Variants in LYRM4 observed in about 807,000 individuals in gnomAD.
The protein encoded by LYRM4 is LYR motif containing 4, also known as LYR motif-containing protein 4.
In LYRM4, 9 loss-of-function variants were observed where a neutral mutation model predicts 11.7. That is an observed-to-expected ratio of 0.77 (90% CI 0.46 to 1.34). The LOEUF (loss-of-function observed/expected upper bound fraction) is 1.34. LYRM4 is among the 40% of genes most tolerant of loss of function. The pLI is 0.00. For synonymous variants in LYRM4, 42 were observed against 40.4 expected (o/e 1.04, Z -0.15); for missense variants, 133 against 112.5 (o/e 1.18, Z -0.82).
chr6:5,183,853 TGG>T, intron 2 of LYRM4, among the ~76,000 whole-genome samples: 2 of 152,344 alleles, frequency 1.3e-5, no homozygotes, highest in East Asian at 3.9e-4. Flanking sequence ...TTGTATAACA[TGG>T]AGGCTATTAA....
intron 1 of LYRM4, among the ~76,000 whole-genome samples, chr6:5,253,134 C>A (rs1764510539): frequency 6.6e-6 from 1 of 152,184 alleles, no homozygotes; most frequent in Non-Finnish European, 1.5e-5. Flanking sequence ...TAGTGTATAA[C>A]ACATTAATAA....
chr6:5,204,449 C>T (rs1761574843), intron 2 of LYRM4, among the ~76,000 whole-genome samples: 1 of 152,162 alleles, frequency 6.6e-6, no homozygotes, highest in African/African-American at 2.4e-5. Flanking sequence ...ACCCCAAACT[C>T]ATGATGCCAA....
intron 2 of LYRM4, among the ~76,000 whole-genome samples, chr6:5,214,739 G>A (rs779656532): frequency 1.3e-5 from 2 of 152,194 alleles, no homozygotes; most frequent in Non-Finnish European, 2.9e-5. Flanking sequence ...TGTGCCTTAC[G>A]CCCTAACTAC....
At position 5,109,209 on chromosome 6, in the gene LYRM4, C is replaced by G; in HGVS notation, c.*214G>C. On this transcript the variant is annotated 3_prime_UTR_variant, in exon 3 of 3. Coordinates refer to ENST00000330636, the MANE Select transcript of LYRM4 (RefSeq NM_020408.6). Reference sequence around the variant, plus strand: ...CACACAGCACTATTCTGAACGAACTCCAGCTCTCCATTCTAACACTTGAAC... The same window carrying G: ...CACACAGCACTATTCTGAACGAACTGCAGCTCTCCATTCTAACACTTGAAC... 2 of 1,418,340 alleles carry G rather than the reference C, an allele frequency of 1.4e-6. No individual in the cohort carries two copies. Among genetic ancestry groups the G allele is most frequent in the South Asian group, 3.1e-5 (2 of 65,206 alleles). 87.9% of individuals were successfully genotyped at this position (1,418,340 alleles called of 1,614,324 possible).
intron 2 of LYRM4, among the ~76,000 whole-genome samples, chr6:5,121,435 G>C (rs953093021): frequency 2.0e-5 from 3 of 152,132 alleles, no homozygotes; most frequent in East Asian, 1.9e-4. Flanking sequence ...CTACCTCCCC[G>C]ACCCCTGATG....
At chr6:5,230,639 C>A (rs780137469) in intron 1 of LYRM4, among the ~76,000 whole-genome samples, 1 of 152,108 alleles carries the variant, frequency 6.6e-6, no homozygotes, top group African/African-American at 2.4e-5. Flanking sequence ...TCAATTAATT[C>A]TAGATTTTCC....
chr6:5,168,747 A>G (rs72811686), intron 2 of LYRM4, among the ~76,000 whole-genome samples: 2,572 of 152,306 alleles, frequency 0.017, 42 homozygotes, highest in South Asian at 0.031. Flanking sequence ...CATCATTGAT[A>G]AATGTCTTGG....
At chr6:5,195,205 TGG>T (rs1760981310) in intron 2 of LYRM4, among the ~76,000 whole-genome samples, 1 of 152,206 alleles carries the variant, frequency 6.6e-6, no homozygotes, top group African/African-American at 2.4e-5. Context: ...CCTAGAGACC[TGG>T]AGGGTGCCAG....
the LYRM4 span, among the ~76,000 whole-genome samples, chr6:5,047,485 T>G: frequency 6.6e-6 from 1 of 152,230 alleles, no homozygotes; most frequent in African/African-American, 2.4e-5. Context: ...CTCATATTCC[T>G]TTGTCTTTCT....
intron 2 of LYRM4, among the ~76,000 whole-genome samples, chr6:5,206,531 A>G (rs1055309800): frequency 1.3e-5 from 2 of 152,238 alleles, no homozygotes; most frequent in African/African-American, 2.4e-5. Flanking sequence ...TTCTTGTGCT[A>G]TAAGGGATCT....
the LYRM4 span, among the ~76,000 whole-genome samples, chr6:5,055,174 G>C: frequency 1.3e-5 from 2 of 152,192 alleles, no homozygotes; most frequent in African/African-American, 4.8e-5. The surrounding 1 kb of genome is among the most constrained non-coding windows in gnomAD (Gnocchi z 4.5). Flanking sequence ...GCTTCGAGAA[G>C]TCCTGCCTTT....
chr6:5,211,403 A>G (rs995387494), intron 2 of LYRM4, among the ~76,000 whole-genome samples: 4 of 152,228 alleles, frequency 2.6e-5, no homozygotes, highest in African/African-American at 7.2e-5. Flanking sequence ...CCAAACATCA[A>G]TAAATTCAGC....
At chr6:5,155,832 T>C (rs1018344702) in intron 2 of LYRM4, among the ~76,000 whole-genome samples, 2 of 152,238 alleles carry the variant, frequency 1.3e-5, no homozygotes, top group African/African-American at 2.4e-5. Context: ...GTCTCTGGTA[T>C]GTTACACCTC....
the LYRM4 span, among the ~76,000 whole-genome samples, chr6:5,067,479 G>T: frequency 6.6e-6 from 1 of 152,216 alleles, no homozygotes; most frequent in African/African-American, 2.4e-5. Context: ...GCTCTGAAGG[G>T]CTGCTTGAGT....
the LYRM4 span, chr6:5,042,970 G>C: frequency 6.6e-6 from 1 of 152,206 alleles, no homozygotes; most frequent in Non-Finnish European, 1.5e-5. Flanking sequence ...TTCCCCAAGA[G>C]GCAGCTGCTG....
chr6:5,182,581 T>C (rs1197159966), intron 2 of LYRM4, among the ~76,000 whole-genome samples: 3 of 152,370 alleles, frequency 2.0e-5, no homozygotes, highest in East Asian at 1.9e-4. Flanking sequence ...ATCAATACTT[T>C]AGTTGTATAT....
At chr6:5,067,451 G>A in the LYRM4 span, among the ~76,000 whole-genome samples, 1 of 152,224 alleles carries the variant, frequency 6.6e-6, no homozygotes. Context: ...CACATGGCTG[G>A]CAAATTGATG....
chr6:5,089,329 G>A, the LYRM4 span: 2 of 151,992 alleles, frequency 1.3e-5, no homozygotes, highest in African/African-American at 4.8e-5. Flanking sequence ...ATATTTTTCC[G>A]ATATATTTAT....
At chr6:5,040,112 G>C in the LYRM4 span, among the ~76,000 whole-genome samples, 3 of 152,138 alleles carry the variant, frequency 2.0e-5, no homozygotes, top group African/African-American at 4.8e-5. Context: ...AAGGAATGTA[G>C]CTTTAAACAG....
Sources: gnomAD v4.1 joint callset for allele counts (sites outside exome capture counted in the v4.1 genomes callset) on GRCh38, gnomAD v4.1.1 for gene constraint, Gnocchi (gnomAD v3.1) non-coding constraint, MANE v1.5 for transcripts, NCBI Gene and HGNC (gene_info 2026-07-23, HGNC 2026-07-21) for gene names.